Variants in EPG5 observed in about 807,000 individuals in gnomAD.
EPG5 encodes the protein ectopic P granules protein 5 homolog.
Under a neutral mutation model 302.7 loss-of-function variants are expected in EPG5, and 159 were observed. That is an observed-to-expected ratio of 0.53 (90% CI 0.46 to 0.60). The LOEUF is 0.60. Ranked by LOEUF, EPG5 falls within the 20% of genes least tolerant of loss-of-function variation. The probability of loss-of-function intolerance (pLI) is 0.00; values close to 1 mark genes in which losing one functional copy is unlikely to be tolerated. For missense variants in EPG5, 2,896 were observed against 3,092.4 expected, an observed-to-expected ratio of 0.94 and a Z score of 1.51; for synonymous variants, 1,158 against 1,136.8, an observed-to-expected ratio of 1.02 and a Z score of -0.37.
At chr18:45,825,897 G>C in the EPG5 span, 1 of 1,235,708 alleles carries the variant, frequency 8.1e-7, no homozygotes, top group Non-Finnish European at 1.2e-6. Context: ...CCAGGCCTGT[G>C]GAGGAGGAAG....
Position 45,884,809 on chromosome 18 carries a change from T to C in EPG5, c.5112A>G (p.Val1704=). ...FTSCIEILGQ[V]FISGIKSECR... ...ACTCTGATTTAATGCCACTGATAAA[T>C]ACCTTGGAAAAATAAAAAGGAAAAA... Residue 1704 remains valine (V), a splice_region_variant and synonymous_variant, in exon 30 of 44, where the codon GTA becomes GTG. Transcript: ENST00000282041. 1 of 1,523,518 alleles carries C rather than the reference T, an allele frequency of 6.6e-7. No homozygotes were observed. The highest frequency in any genetic ancestry group is 8.8e-7 in the Non-Finnish European group (1 of 1,142,392). The allele number at this position is 1,523,518 out of a possible 1,614,324, so 94.4% of individuals were successfully genotyped here. A position where few individuals can be genotyped will look rare whatever the true frequency, so the allele number is the denominator to read the frequency against.
chr18:45,897,572 A>G (rs1599520428), intron 27 of EPG5, among the ~76,000 whole-genome samples: 1 of 152,342 alleles, frequency 6.6e-6, no homozygotes, highest in Admixed American at 6.5e-5. Context: ...TAACTGGGAA[A>G]AAAATACACC....
At chr18:45,806,334 G>C in the EPG5 span, among the ~76,000 whole-genome samples, 33 of 152,198 alleles carry the variant, frequency 2.2e-4, no homozygotes, top group Non-Finnish European at 3.1e-4. Flanking sequence ...AGGGGATCAT[G>C]GTGGGCGGGA....
At chr18:45,867,063 T>C in intron 37 of EPG5, 56 bp from the exon 38 acceptor site, 5 of 1,309,734 alleles carry the variant, frequency 3.8e-6, no homozygotes, top group South Asian at 3.6e-5. Flanking sequence ...TCCAGAAATA[T>C]GTGTTGCTAA....
the EPG5 span, chr18:45,841,978 C>A: frequency 1.2e-6 from 1 of 857,258 alleles, no homozygotes; most frequent in Non-Finnish European, 1.9e-6. Flanking sequence ...CATCTCTGAG[C>A]CCTGCCGGTT....
At chr18:45,920,780 T>C (rs972244846) in intron 16 of EPG5, among the ~76,000 whole-genome samples, 12 of 152,280 alleles carry the variant, frequency 7.9e-5, no homozygotes, top group African/African-American at 2.9e-4. Flanking sequence ...ACACTGGGGA[T>C]CAAATGTCAA....
intron 1 of EPG5, among the ~76,000 whole-genome samples, chr18:45,965,443 C>A (rs1345347811): frequency 6.6e-6 from 1 of 152,010 alleles, no homozygotes; most frequent in Non-Finnish European, 1.5e-5. Context: ...ACCCTCTAAA[C>A]CTAAAATAAA....
chr18:45,923,322 C>T lies in EPG5; in HGVS notation c.2784G>A (p.Gln928=), dbSNP rs1252516727. ...CATATGGCTTCTGTGCAAGGTACTT[C>T]TGATAAGCTTCAAGAACCATTAAAG... The part of the protein sequence containing the change: ...EVALMVLEAY[Q]KYLAQKPYAG... Residue 928 remains glutamine, a synonymous_variant, in exon 15 of 44, where the codon CAG becomes CAA. Transcript: ENST00000282041. 3.7e-6 allele frequency: 6 copies of T among 1,613,924 alleles called. No homozygotes were observed. In the South Asian group the frequency reaches 5.5e-5, roughly 15 times the overall value.
At position 45,884,476 on chromosome 18, in the gene EPG5, T is replaced by TCATG. The variant is rs541200364; in HGVS notation, c.5304+137_5304+140dup. The TCATG allele has an allele frequency of 2.0e-5, 13 of 664,508 alleles. No homozygotes were observed. The South Asian group carries it at 2.3e-4, about 12-fold the overall frequency. The allele number at this position is 664,508 out of a possible 1,614,324, so 41.2% of individuals were successfully genotyped here. A position where few individuals can be genotyped will look rare whatever the true frequency, so the allele number is the denominator to read the frequency against. On this transcript the variant is annotated intron_variant, in intron 30 of 43. Transcript: ENST00000282041. ...GCTGTGGGGTCAGACTGCTTGAAGC[T>TCATG]CATGCAAACTGTGAAAAAGGCCTCT...
chr18:45,836,586 C>A, the EPG5 span, among the ~76,000 whole-genome samples: 1 of 152,228 alleles, frequency 6.6e-6, no homozygotes, highest in Non-Finnish European at 1.5e-5. Context: ...CAGACCCTGG[C>A]TCAACCACAC....
In EPG5 at chr18:45,939,735, C is replaced by T. The variant is rs2050620686; in HGVS notation, c.1964G>A (p.Ser655Asn). Residue 655 changes from serine (S) to asparagine (N), a missense_variant, in exon 10 of 44, where the codon AGT (serine) becomes AAT (asparagine). Around this residue, in one of 5 missense-constraint regions of EPG5, gnomAD observed 1,390 missense variants for 1,430.0 expected, o/e 0.97. Transcript: ENST00000282041. ...YMIRMTLGYVSDHWAQYVSHN... is the reference protein window; with the variant it reads ...YMIRMTLGYVNDHWAQYVSHN... ...GCTCACATACTGTGCCCAATGGTCA[C>T]TTACATAACCAAGAGTCATCCTGAG... 6.2e-7 allele frequency: 1 copy of T among 1,613,830 alleles called. No individual in the cohort carries two copies. Among genetic ancestry groups the T allele is most frequent in the Non-Finnish European group, 8.5e-7 (1 of 1,180,010 alleles).
At chr18:45,925,504 C>T (rs1042541662) in intron 14 of EPG5, among the ~76,000 whole-genome samples, 2 of 152,004 alleles carry the variant, frequency 1.3e-5, no homozygotes, top group Non-Finnish European at 2.9e-5. Context: ...AAAACAGATA[C>T]ATGGGAATAA....
intron 9 of EPG5, among the ~76,000 whole-genome samples, chr18:45,941,453 T>C (rs996534340): frequency 6.6e-6 from 1 of 152,024 alleles, no homozygotes; most frequent in Non-Finnish European, 1.5e-5. Flanking sequence ...AGGAATAAAA[T>C]GGGAACTAAT....
chr18:45,885,479 G>A (rs1568122085), intron 29 of EPG5, among the ~76,000 whole-genome samples: 1 of 152,072 alleles, frequency 6.6e-6, no homozygotes, highest in Non-Finnish European at 1.5e-5. Flanking sequence ...CATTACGTCA[G>A]AAAACAAAAC....
rs149467278 is a variant in EPG5 at position 45,894,833 on chromosome 18, A to G, written c.4809+4571T>C. On this transcript the variant is annotated intron_variant, in intron 27 of 43. Coordinates refer to ENST00000282041, the MANE Select transcript of EPG5 (RefSeq NM_020964.3). ...AAATGATGCTGCTAGAAAAAGATCA[A>G]TAACAGATTATGAAGGGCGCTAAGG... is the stretch of plus-strand genomic sequence containing the variant. 1.3e-4 allele frequency among the ~76,000 whole-genome samples: 20 copies of G among 152,316 alleles called. No homozygotes were observed. In the East Asian group the frequency reaches 3.7e-3, roughly 28 times the overall value.
intron 41 of EPG5, among the ~76,000 whole-genome samples, chr18:45,858,335 G>A (rs548954675): frequency 6.6e-6 from 1 of 152,304 alleles, no homozygotes; most frequent in African/African-American, 2.4e-5. Flanking sequence ...CACTTAACTG[G>A]TAAGGAAACT....
chr18:45,953,889 C>G, intron 2 of EPG5: 1 of 985,288 alleles, frequency 1.0e-6, no homozygotes, highest in Non-Finnish European at 1.2e-6. Context: ...TTCCTCATCC[C>G]TTCTCAACCT....
At chr18:45,842,040 T>C in the EPG5 span, 1 of 1,453,542 alleles carries the variant, frequency 6.9e-7, no homozygotes, top group Admixed American at 1.7e-5. Context: ...ACTGCTGGCA[T>C]ATAGTTTGGG....
At position 45,916,158 on chromosome 18, in the gene EPG5, C is replaced by T; in HGVS notation, c.3433G>A (p.Val1145Met). ...AGAGCCTGAACCCAGAACTCCAACA[C>T]AGCAACGGGGCCCACTTCATTGGGC... ...TQPNEVGPVAVLEFWVQALIS... is the reference protein window; with the variant it reads ...TQPNEVGPVAMLEFWVQALIS... Residue 1145 changes from valine to methionine, a missense_variant, in exon 19 of 44, where the codon GTG (valine) becomes ATG (methionine). Transcript: ENST00000282041. 6.2e-7 allele frequency: 1 copy of T among 1,614,096 alleles called. No individual in the cohort carries two copies. The highest frequency in any genetic ancestry group is 8.5e-7 in the Non-Finnish European group (1 of 1,179,978).
Sources: allele counts gnomAD v4.1 joint callset (sites outside exome capture counted in the v4.1 genomes callset), GRCh38; gene constraint gnomAD v4.1.1; regional missense constraint gnomAD v4.1.1; transcripts MANE v1.5; gene names NCBI Gene and HGNC (gene_info 2026-07-23, HGNC 2026-07-21).